The following SYNDIG1 variants were observed in gnomAD, a reference collection of about 807,000 sequenced individuals.
SYNDIG1 encodes synapse differentiation-inducing gene protein 1.
A neutral mutation model predicts 19.4 loss-of-function variants in SYNDIG1; 9 were observed. The observed-to-expected ratio is 0.46, with a 90% confidence interval of 0.28 to 0.81. SYNDIG1 has a LOEUF of 0.81. Ranked by LOEUF, SYNDIG1 falls within the 30% of genes least tolerant of loss-of-function variation. The pLI is 0.12. For synonymous variants in SYNDIG1, 141 were observed against 145.9 expected, an observed-to-expected ratio of 0.97 and a Z score of 0.24; for missense variants, 311 against 343.3, an observed-to-expected ratio of 0.91 and a Z score of 0.74.
At chr20:24,586,255 G>A (rs750330636) in intron 3 of SYNDIG1, among the ~76,000 whole-genome samples, 5 of 152,150 alleles carry the variant, frequency 3.3e-5, no homozygotes, top group South Asian at 2.1e-4. Context: ...TTGATCTGCC[G>A]GGGCTAGGCT....
At chr20:24,542,971 G>C (rs1260963769) in intron 1 of SYNDIG1, 49 bp from the exon 2 acceptor site, 3 of 1,425,938 alleles carry the variant, frequency 2.1e-6, no homozygotes, top group Non-Finnish European at 1.9e-6. Flanking sequence ...TGATTAGCTT[G>C]TTTTCAAGTG....
intron 1 of SYNDIG1, among the ~76,000 whole-genome samples, chr20:24,510,757 T>G (rs181301934): frequency 5.3e-5 from 8 of 152,288 alleles, no homozygotes; most frequent in African/African-American, 1.7e-4. Context: ...AGATATTGCC[T>G]CTTCCCCATT....
chr20:24,562,190 C>T (rs548994127), intron 2 of SYNDIG1, among the ~76,000 whole-genome samples: 10 of 152,188 alleles, frequency 6.6e-5, no homozygotes, highest in African/African-American at 2.4e-4. Context: ...AGTTTCACCT[C>T]CTTATAGTTG....
At chr20:24,548,214 A>G (rs2057627233) in intron 2 of SYNDIG1, among the ~76,000 whole-genome samples, 1 of 152,236 alleles carries the variant, frequency 6.6e-6, no homozygotes, top group Non-Finnish European at 1.5e-5. Flanking sequence ...GATCTGAGAC[A>G]GATCTCCTGA....
chr20:24,524,645 CAAA>C (rs112704748), intron 1 of SYNDIG1, among the ~76,000 whole-genome samples: 1 of 117,096 alleles, frequency 8.5e-6, no homozygotes, highest in Non-Finnish European at 1.9e-5. Context: ...GACTCTGTCT[CAAA>C]AAAAAAAAAA....
chr20:24,602,324 C>A (rs952980581), intron 3 of SYNDIG1, among the ~76,000 whole-genome samples: 3 of 152,310 alleles, frequency 2.0e-5, no homozygotes, highest in East Asian at 1.9e-4. Context: ...TAAGTTATTT[C>A]TTTGCTGTTT....
At chr20:24,585,306 C>G (rs1256422763) in intron 3 of SYNDIG1, among the ~76,000 whole-genome samples, 1 of 152,208 alleles carries the variant, frequency 6.6e-6, no homozygotes, top group Non-Finnish European at 1.5e-5. Context: ...GGCTGTCTTT[C>G]ATTTAGGTGC....
At chr20:24,528,624 T>G (rs1029261017) in intron 1 of SYNDIG1, among the ~76,000 whole-genome samples, 6 of 152,190 alleles carry the variant, frequency 3.9e-5, no homozygotes, top group Non-Finnish European at 8.8e-5. Flanking sequence ...CCTCAAGCCC[T>G]TTTGTACAGG....
At chr20:24,637,747 TCACCAAGAGCCTCAGTCAC>T (rs2147326883) in intron 3 of SYNDIG1, among the ~76,000 whole-genome samples, 1 of 152,266 alleles carries the variant, frequency 6.6e-6, no homozygotes, top group East Asian at 1.9e-4. Flanking sequence ...TGTACAGGTG[TCACCAAGAGCCTCAGTCAC>T]CACAGCAGGG....
intron 3 of SYNDIG1, among the ~76,000 whole-genome samples, chr20:24,631,573 G>A (rs2059244639): frequency 6.6e-6 from 1 of 152,152 alleles, no homozygotes. Context: ...GGATCAGGAG[G>A]ACCTTTTTAG....
chr20:24,601,791 C>A (rs2058682963), intron 3 of SYNDIG1, among the ~76,000 whole-genome samples: 1 of 152,048 alleles, frequency 6.6e-6, no homozygotes, highest in African/African-American at 2.4e-5. Flanking sequence ...TTGAATGATA[C>A]CCTTCTGCCT....
chr20:24,506,832 C>T lies in SYNDIG1; in HGVS notation c.-78-36188C>T, dbSNP rs1225679453. 3.9e-5 allele frequency among the ~76,000 whole-genome samples: 6 copies of T among 152,174 alleles called. No homozygotes were observed. The South Asian group carries it at 1.2e-3, about 31-fold the overall frequency. On this transcript the variant is annotated intron_variant, in intron 1 of 3. Transcript: ENST00000376862. ...CAGGCATACCTGAGCCCTGTGGGCC[C>T]CAGTCACATGTGAGGGGCAGGTTTG...
At chr20:24,493,616 T>G (rs1600426459) in intron 1 of SYNDIG1, among the ~76,000 whole-genome samples, 1 of 152,008 alleles carries the variant, frequency 6.6e-6, no homozygotes, top group East Asian at 1.9e-4. Context: ...CATGAGAGGG[T>G]TTTTGTCTGG....
intron 1 of SYNDIG1, among the ~76,000 whole-genome samples, chr20:24,521,829 G>T (rs1343711023): frequency 6.6e-6 from 1 of 151,376 alleles, no homozygotes. Flanking sequence ...GAACCCAGGA[G>T]GCAGAGGTTG....
At chr20:24,517,708 GTATA>G (rs1056201078) in intron 1 of SYNDIG1, among the ~76,000 whole-genome samples, 1 of 143,524 alleles carries the variant, frequency 7.0e-6, no homozygotes, top group African/African-American at 2.6e-5. Flanking sequence ...ATATATATGT[GTATA>G]TATATGTGTA....
intron 1 of SYNDIG1, among the ~76,000 whole-genome samples, chr20:24,519,546 G>A (rs1325608467): frequency 6.6e-6 from 1 of 152,124 alleles, no homozygotes; most frequent in East Asian, 1.9e-4. Context: ...GTTCACTTCT[G>A]TGAACTTGGG....
intron 2 of SYNDIG1, among the ~76,000 whole-genome samples, chr20:24,543,792 A>G (rs1204418491): frequency 6.6e-6 from 1 of 152,208 alleles, no homozygotes; most frequent in African/African-American, 2.4e-5. Flanking sequence ...GGGGCGCTTC[A>G]CCGGTGATTC....
chr20:24,525,012 T>A (rs1461022755), intron 1 of SYNDIG1, among the ~76,000 whole-genome samples: 1 of 152,214 alleles, frequency 6.6e-6, no homozygotes, highest in Non-Finnish European at 1.5e-5. Context: ...TTTAACCTTT[T>A]AAAAATAATA....
chr20:24,489,791 A>G (rs1168202760), intron 1 of SYNDIG1, among the ~76,000 whole-genome samples: 2 of 152,228 alleles, frequency 1.3e-5, no homozygotes, highest in Admixed American at 1.3e-4. Flanking sequence ...CTCCAGCCAA[A>G]GGACAGTGTG....
Sources: gnomAD v4.1 joint callset for allele counts (sites outside exome capture counted in the v4.1 genomes callset) on GRCh38, gnomAD v4.1.1 for gene constraint, MANE v1.5 for transcripts, NCBI Gene and HGNC (gene_info 2026-07-23, HGNC 2026-07-21) for gene names.